LRRN1: variants seen among roughly 807,000 people sequenced by gnomAD.
LRRN1 encodes the protein leucine rich repeat neuronal 1.
LRRN1 carries 14 observed loss-of-function variants against 45.8 expected under a neutral mutation model. That is an observed-to-expected ratio of 0.31 (90% confidence interval 0.20 to 0.48). LRRN1 has a LOEUF of 0.48. Among genes scored for constraint, LRRN1 ranks in the 20% least tolerant of loss-of-function variants. The probability of loss-of-function intolerance (pLI) is 0.99; values close to 1 mark genes in which losing one functional copy is unlikely to be tolerated. For missense variants in LRRN1, 789 were observed against 874.2 expected, an observed-to-expected ratio of 0.90 and a Z score of 1.23; for synonymous variants, 359 against 330.1, an observed-to-expected ratio of 1.09 and a Z score of -0.95.
rs1693820651 is a variant in LRRN1 at position 3,848,259 on chromosome 3, A to G, written c.*1467A>G. ...GTTCAAACTTTTCATCCAAATATAT[A>G]TAGACAGTTTTGGAGAATTGTTTCA... On this transcript the variant is annotated 3_prime_UTR_variant, in exon 2 of 2. Coordinates refer to ENST00000319331, the MANE Select transcript of LRRN1 (RefSeq NM_020873.7). Among the ~76,000 whole-genome samples, 1 of 152,220 alleles carries G rather than the reference A, an allele frequency of 6.6e-6. No individual in the cohort carries two copies. Among genetic ancestry groups the G allele is most frequent in the Admixed American group, 6.5e-5 (1 of 15,284 alleles).
chr3:3,812,798 C>T (rs900270242), intron 1 of LRRN1, among the ~76,000 whole-genome samples: 2 of 132,316 alleles, frequency 1.5e-5, no homozygotes, highest in African/African-American at 3.0e-5. Flanking sequence ...ATTAACTTCT[C>T]TGAATCTTGG....
At chr3:3,813,269 T>C (rs911648356) in intron 1 of LRRN1, among the ~76,000 whole-genome samples, 2 of 152,222 alleles carry the variant, frequency 1.3e-5, no homozygotes, top group African/African-American at 2.4e-5. Context: ...TTAGTTGTTA[T>C]TGATTTGTCC....
chr3:3,833,055 G>A (rs749569965), intron 1 of LRRN1, among the ~76,000 whole-genome samples: 1 of 152,190 alleles, frequency 6.6e-6, no homozygotes, highest in Non-Finnish European at 1.5e-5. Context: ...TTGTAGTTGA[G>A]TGACTGCTGT....
intron 1 of LRRN1, among the ~76,000 whole-genome samples, chr3:3,800,309 G>C (rs1273922964): frequency 2.6e-5 from 4 of 152,104 alleles, no homozygotes; most frequent in African/African-American, 7.2e-5. Context: ...GATGTGAACC[G>C]GGGAAGGCAG....
intron 1 of LRRN1, among the ~76,000 whole-genome samples, chr3:3,811,729 G>A (rs898438869): frequency 1.1e-4 from 16 of 152,172 alleles, no homozygotes; most frequent in African/African-American, 3.4e-4. Context: ...AATGCATGTC[G>A]AATATCAAGT....
chr3:3,814,866 C>T (rs1692958891), intron 1 of LRRN1, among the ~76,000 whole-genome samples: 1 of 152,144 alleles, frequency 6.6e-6, no homozygotes, highest in South Asian at 2.1e-4. Context: ...GCCTCCAGAA[C>T]TGTGAGAAAA....
intron 1 of LRRN1, among the ~76,000 whole-genome samples, chr3:3,804,797 G>GACATA (rs1692721963): frequency 6.6e-6 from 1 of 151,928 alleles, no homozygotes; most frequent in Non-Finnish European, 1.5e-5. Flanking sequence ...ATGTACATGT[G>GACATA]ACATCCTTCT....
intron 1 of LRRN1, among the ~76,000 whole-genome samples, chr3:3,803,618 A>G (rs962577465): frequency 3.9e-5 from 6 of 152,226 alleles, no homozygotes; most frequent in African/African-American, 1.2e-4. Context: ...GTTTCTGGGA[A>G]CAATGAAAGT....
chr3:3,848,523 G>A lies in LRRN1; in HGVS notation c.*1731G>A, dbSNP rs867938248. 2.0e-5 allele frequency among the ~76,000 whole-genome samples: 3 copies of A among 152,122 alleles called. No homozygotes were observed. Among genetic ancestry groups the A allele is most frequent in the Non-Finnish European group, 2.9e-5 (2 of 68,026 alleles). On this transcript the variant is annotated 3_prime_UTR_variant, in exon 2 of 2. Transcript: ENST00000319331. ...GAAAGTCCAGGTGATGTAGGTTGAG[G>A]TATTTCTTTCTTTGGCAGTATCTTG...
Position 3,844,716 on chromosome 3 carries a change from T to C in LRRN1, c.75T>C (p.Ser25=). The change falls in exon 2 of 2, where the codon TCT becomes TCC. Residue 25 remains serine, a synonymous_variant. Coordinates refer to ENST00000319331, the MANE Select transcript of LRRN1 (RefSeq NM_020873.7). ...TACTAATGACTTCATTAACCGAGTC[T>C]TCCATACAGAATAGTGAGTGTCCAC... ...LGLLMTSLTE[S]SIQNSECPQL... is the part of the protein sequence containing the mutation. 6.2e-7 allele frequency: 1 copy of C among 1,614,176 alleles called. No individual in the cohort carries two copies. Among genetic ancestry groups the C allele is most frequent in the Non-Finnish European group, 8.5e-7 (1 of 1,180,012 alleles).
Position 3,846,534 on chromosome 3 carries a change from C to T in LRRN1, c.1893C>T (p.Ala631=), listed in dbSNP as rs1452610416. The T allele has an allele frequency of 7.4e-6, 12 of 1,614,142 alleles. No individual in the cohort carries two copies. Among genetic ancestry groups the T allele is most frequent in the Non-Finnish European group, 9.3e-6 (11 of 1,180,032 alleles). Residue 631 remains alanine (A), a synonymous_variant, in exon 2 of 2, where the codon GCC becomes GCT. Transcript: ENST00000319331. The surrounding 1 kb of genome is among the most constrained non-coding windows in gnomAD (Gnocchi z 5.7). ...VDISDQETST[A]LAAVMGSMFA... ...TCTCTGATCAAGAAACCAGTACAGC[C>T]CTTGCTGCAGTAATGGGGTCTATGT...
intron 1 of LRRN1, among the ~76,000 whole-genome samples, chr3:3,807,863 C>T (rs1201431598): frequency 1.3e-5 from 2 of 152,162 alleles, no homozygotes; most frequent in Non-Finnish European, 2.9e-5. Flanking sequence ...ACATGTAAGG[C>T]CTAACCCCCC....
At chr3:3,809,055 A>G (rs1410094624) in intron 1 of LRRN1, among the ~76,000 whole-genome samples, 2 of 152,218 alleles carry the variant, frequency 1.3e-5, no homozygotes, top group African/African-American at 2.4e-5. Flanking sequence ...TTACACAGGG[A>G]AAAGACAGGT....
At chr3:3,822,684 T>C (rs554161006) in intron 1 of LRRN1, 1 of 152,294 alleles carries the variant, frequency 6.6e-6, no homozygotes, top group South Asian at 2.1e-4. Context: ...AGAATGCAAA[T>C]ATTTAATTAG....
At chr3:3,836,621 C>G (rs1415475112) in intron 1 of LRRN1, among the ~76,000 whole-genome samples, 2 of 152,032 alleles carry the variant, frequency 1.3e-5, no homozygotes, top group African/African-American at 4.8e-5. Context: ...AAGATCACGG[C>G]CTGTGCTTCC....
At chr3:3,818,972 A>T (rs1010069642) in intron 1 of LRRN1, among the ~76,000 whole-genome samples, 1 of 151,814 alleles carries the variant, frequency 6.6e-6, no homozygotes, top group Non-Finnish European at 1.5e-5. Context: ...ATGGCAGTTA[A>T]TACACATATT....
In LRRN1 at chr3:3,848,608, C is replaced by A. The variant is rs1693827057; in HGVS notation, c.*1816C>A. 1.3e-5 allele frequency among the ~76,000 whole-genome samples: 2 copies of A among 152,090 alleles called. No homozygotes were observed. ...TCTTCCCATTCTTAAGGGGTTTTGG[C>A]AAACAGAATTTCAGATCTTGAAACA... is the stretch of plus-strand genomic sequence containing the variant. On this transcript the variant is annotated 3_prime_UTR_variant, in exon 2 of 2. Transcript: ENST00000319331.
intron 1 of LRRN1, among the ~76,000 whole-genome samples, chr3:3,838,304 G>A (rs997770677): frequency 2.6e-5 from 4 of 152,102 alleles, no homozygotes; most frequent in Non-Finnish European, 4.4e-5. Flanking sequence ...AACCCTAGAA[G>A]AAAATCAAGG....
chr3:3,809,758 C>T (rs1441595316), intron 1 of LRRN1, among the ~76,000 whole-genome samples: 1 of 152,142 alleles, frequency 6.6e-6, no homozygotes, highest in Non-Finnish European at 1.5e-5. Context: ...ATAATAGAGC[C>T]CGCCTCTTAG....
Sources: gnomAD v4.1 joint callset for allele counts (sites outside exome capture counted in the v4.1 genomes callset) on GRCh38, gnomAD v4.1.1 for gene constraint, Gnocchi (gnomAD v3.1) non-coding constraint, MANE v1.5 for transcripts, NCBI Gene and HGNC (gene_info 2026-07-23, HGNC 2026-07-21) for gene names.